Variants in MAOB observed in about 807,000 individuals in gnomAD.
MAOB encodes monoamine oxidase B, also known as amine oxidase [flavin-containing] B.
A neutral mutation model predicts 41.9 loss-of-function variants in MAOB; 15 were observed. That is an observed-to-expected ratio of 0.36 (90% CI 0.24 to 0.55). The LOEUF is 0.55. MAOB is among the 20% of genes least tolerant of loss of function. The pLI, the probability that MAOB is intolerant of heterozygous loss-of-function variation, is 0.86. For synonymous variants in MAOB, 167 were observed against 144.2 expected, an observed-to-expected ratio of 1.16 and a Z score of -1.13; for missense variants, 345 against 398.7, an observed-to-expected ratio of 0.87 and a Z score of 1.15.
intron 1 of MAOB, among the ~76,000 whole-genome samples, chrX:43,853,771 C>G (rs1290149503): frequency 3.6e-5 from 4 of 111,276 alleles, no homozygotes; most frequent in Non-Finnish European, 7.5e-5. Context: ...CACTAAAGAT[C>G]GCCAGCAAAC....
At chrX:43,782,088 C>T (rs1408277075) in intron 8 of MAOB, among the ~76,000 whole-genome samples, 11 of 110,757 alleles carry the variant, frequency 9.9e-5, no homozygotes, top group African/African-American at 3.6e-4. Context: ...ACTAGAGAAG[C>T]AAGAGCAAAC....
chrX:43,828,320 C>G (rs972807753), intron 3 of MAOB, among the ~76,000 whole-genome samples: 1 of 111,895 alleles, frequency 8.9e-6, no homozygotes, highest in Non-Finnish European at 1.9e-5. Flanking sequence ...TTACGTTTAT[C>G]TTGTGTGACA....
chrX:43,843,535 G>A, intron 2 of MAOB, 135 bp downstream of exon 2: 1 of 517,885 alleles, frequency 1.9e-6, no homozygotes, highest in Non-Finnish European at 3.0e-6. Flanking sequence ...GAGAGAGGCT[G>A]TGAAGAATGT....
At chrX:43,781,384 T>G in intron 9 of MAOB, 64 bp downstream of exon 9, 1 of 639,049 alleles carries the variant, frequency 1.6e-6, no homozygotes, top group Non-Finnish European at 2.2e-6. Flanking sequence ...GGCACATTTG[T>G]TAATAGTATG....
At chrX:43,801,396 AC>A (rs943201455) in intron 5 of MAOB, among the ~76,000 whole-genome samples, 4 of 110,970 alleles carry the variant, frequency 3.6e-5, no homozygotes, top group African/African-American at 1.3e-4. Context: ...GAAGACATTA[AC>A]CCCCGAGCCA....
At chrX:43,871,606 T>C (rs966767996) in intron 1 of MAOB, among the ~76,000 whole-genome samples, 2 of 103,972 alleles carry the variant, frequency 1.9e-5, no homozygotes, top group Non-Finnish European at 2.0e-5. Context: ...GATGGGCACA[T>C]GTATTACCCA....
intron 10 of MAOB, 75 bp downstream of exon 10, chrX:43,780,267 A>C: frequency 1.2e-6 from 1 of 858,161 alleles, no homozygotes; most frequent in Non-Finnish European, 1.7e-6. Flanking sequence ...AAGGAAAGAA[A>C]GAGAAAAGGG....
intron 1 of MAOB, among the ~76,000 whole-genome samples, chrX:43,871,272 T>C (rs1383300643): frequency 9.0e-6 from 1 of 111,546 alleles, no homozygotes; most frequent in Non-Finnish European, 1.9e-5. Flanking sequence ...GTCCTGAAGG[T>C]AGTGGGACAG....
chrX:43,864,091 T>A (rs1465414418), intron 1 of MAOB, among the ~76,000 whole-genome samples: 1 of 111,524 alleles, frequency 9.0e-6, no homozygotes, highest in Non-Finnish European at 1.9e-5. Context: ...GGGACTGAAC[T>A]TGGCATCACT....
intron 8 of MAOB, among the ~76,000 whole-genome samples, chrX:43,784,960 C>T (rs780207623): frequency 8.9e-6 from 1 of 112,051 alleles, no homozygotes; most frequent in East Asian, 2.8e-4. Flanking sequence ...CCAGCCTGGC[C>T]AACATGGTGA....
chrX:43,833,591 C>A (rs1293717780), intron 3 of MAOB, among the ~76,000 whole-genome samples: 1 of 111,490 alleles, frequency 9.0e-6, no homozygotes, highest in Non-Finnish European at 1.9e-5. Context: ...AGTATAGAAG[C>A]TGTAAAATTT....
At chrX:43,873,772 G>A (rs766897103) in intron 1 of MAOB, among the ~76,000 whole-genome samples, 1 of 111,616 alleles carries the variant, frequency 9.0e-6, no homozygotes, top group South Asian at 3.8e-4. Context: ...CGCCTCCCTG[G>A]TTCAAGCGAT....
chrX:43,799,052 C>T (rs2034562615), intron 5 of MAOB, among the ~76,000 whole-genome samples: 1 of 111,724 alleles, frequency 9.0e-6, no homozygotes, highest in African/African-American at 3.2e-5. Flanking sequence ...CATCTCTCTA[C>T]TTTACTGTAT....
In MAOB at chrX:43,781,066, A is replaced by C. The variant is rs970043621; in HGVS notation, c.1025+382T>G. ...TCTACTGGGACTCAGAAATCTCAGC[A>C]TCTCATTTAAGTAACATGGATGCCC... On this transcript the variant is annotated intron_variant, in intron 9 of 14. Transcript: ENST00000378069. Among the ~76,000 whole-genome samples, 4 of 110,871 alleles carry C rather than the reference A, an allele frequency of 3.6e-5. No homozygotes were observed. The South Asian group carries it at 1.2e-3, about 32-fold the overall frequency.
intron 8 of MAOB, among the ~76,000 whole-genome samples, chrX:43,784,478 A>G (rs886765184): frequency 1.8e-5 from 2 of 112,609 alleles, no homozygotes; most frequent in African/African-American, 6.5e-5. Context: ...TTGGGTGACC[A>G]GGTGCATTGT....
intron 1 of MAOB, among the ~76,000 whole-genome samples, chrX:43,879,107 T>C (rs1009218258): frequency 8.9e-6 from 1 of 111,875 alleles, no homozygotes; most frequent in African/African-American, 3.3e-5. Context: ...GCTGTCCAGT[T>C]CCATGTGGGA....
At chrX:43,879,091 C>T (rs1172107527) in intron 1 of MAOB, among the ~76,000 whole-genome samples, 2 of 111,885 alleles carry the variant, frequency 1.8e-5, no homozygotes, top group African/African-American at 3.3e-5. Context: ...ACAGATGCAA[C>T]GTGCTGCTGT....
At chrX:43,768,746 CA>C in intron 13 of MAOB, 30 bp from the exon 14 acceptor site, 2 of 1,092,714 alleles carry the variant, frequency 1.8e-6, no homozygotes, top group Non-Finnish European at 2.5e-6. Context: ...TGGCAAATAG[CA>C]AAAGTGACAC....
chrX:43,778,593 A>G (rs1016316534), intron 11 of MAOB, 89 bp downstream of exon 11: 13 of 725,700 alleles, frequency 1.8e-5, no homozygotes, highest in Non-Finnish European at 2.7e-5. Flanking sequence ...GAACTTCAGG[A>G]CCCAACTTGC....
Sources: allele counts gnomAD v4.1 joint callset (sites outside exome capture counted in the v4.1 genomes callset), GRCh38; gene constraint gnomAD v4.1.1; transcripts MANE v1.5; gene names NCBI Gene and HGNC (gene_info 2026-07-23, HGNC 2026-07-21).